Variants in TMEM217B observed in about 807,000 individuals in gnomAD.
TMEM217B encodes putative transmembrane protein 217B.
At chr6:37,217,677 G>T in the TMEM217B span, 1 of 985,178 alleles carries the variant, frequency 1.0e-6, no homozygotes, top group Non-Finnish European at 1.2e-6. Flanking sequence ...TTCTTATCTG[G>T]AATAAAACAG....
chr6:37,212,833 G>T, the TMEM217B span: 1 of 1,078,150 alleles, frequency 9.3e-7, no homozygotes, highest in South Asian at 1.4e-5. Context: ...GACTAGCTCC[G>T]ACTTTGAGTC....
the TMEM217B span, chr6:37,218,682 T>C: frequency 2.8e-5 from 45 of 1,613,958 alleles, no homozygotes; most frequent in Admixed American, 3.3e-5. Flanking sequence ...TCAAAGTCAT[T>C]GTTGGTGAGG....
chr6:37,252,569 GT>G, the TMEM217B span, among the ~76,000 whole-genome samples: 1 of 148,326 alleles, frequency 6.7e-6, no homozygotes, highest in African/African-American at 2.5e-5. Flanking sequence ...TGAGGGGTGT[GT>G]GTGTGCACGT....
chr6:37,227,753 T>C, the TMEM217B span, among the ~76,000 whole-genome samples: 1 of 151,838 alleles, frequency 6.6e-6, no homozygotes, highest in African/African-American at 2.4e-5. Flanking sequence ...TCAGCCTAAA[T>C]GTTTATTATT....
the TMEM217B span, among the ~76,000 whole-genome samples, chr6:37,226,186 A>G: frequency 6.7e-6 from 1 of 150,292 alleles, no homozygotes; most frequent in African/African-American, 2.5e-5. Context: ...ATGCTTATTT[A>G]CCATCTCCTC....
the TMEM217B span, chr6:37,212,747 A>G: frequency 0.8 from 547,794 of 683,002 alleles, 220,501 homozygotes; most frequent in East Asian, 0.91. Context: ...ATACAATAAA[A>G]GAGGAAGCAG....
the TMEM217B span, among the ~76,000 whole-genome samples, chr6:37,255,683 C>CA: frequency 0.03 from 3,078 of 102,360 alleles, 103 homozygotes; most frequent in African/African-American, 0.091. Context: ...GACCTGGTCT[C>CA]AAAAAAAAAA....
At chr6:37,243,662 G>C in the TMEM217B span, among the ~76,000 whole-genome samples, 1 of 152,186 alleles carries the variant, frequency 6.6e-6, no homozygotes, top group Non-Finnish European at 1.5e-5. Context: ...GCAATGGCAT[G>C]ATCTCGGCTC....
the TMEM217B span, among the ~76,000 whole-genome samples, chr6:37,231,738 A>T: frequency 3.4e-5 from 5 of 147,210 alleles, no homozygotes; most frequent in African/African-American, 9.9e-5. Flanking sequence ...TTATATATAT[A>T]TTATATATAT....
chr6:37,242,439 G>A, the TMEM217B span, among the ~76,000 whole-genome samples: 1 of 152,170 alleles, frequency 6.6e-6, no homozygotes, highest in Non-Finnish European at 1.5e-5. Context: ...TTGCCTTTAA[G>A]AGCCTAGATT....
chr6:37,227,595 C>T, the TMEM217B span, among the ~76,000 whole-genome samples: 2 of 152,000 alleles, frequency 1.3e-5, no homozygotes, highest in Admixed American at 6.6e-5. Context: ...TACAGGCGCA[C>T]ACCACCATGC....
the TMEM217B span, among the ~76,000 whole-genome samples, chr6:37,233,121 C>T: frequency 6.6e-6 from 1 of 152,162 alleles, no homozygotes; most frequent in African/African-American, 2.4e-5. Context: ...TCTTTTGGGG[C>T]TGCTCAAACT....
the TMEM217B span, among the ~76,000 whole-genome samples, chr6:37,252,637 A>ATTT: frequency 2.4e-3 from 170 of 71,346 alleles, 4 homozygotes; most frequent in African/African-American, 8.4e-3. Context: ...ATATATATAT[A>ATTT]TTTTTTTTTT....
chr6:37,225,175 C>T, the TMEM217B span, among the ~76,000 whole-genome samples: 4 of 151,394 alleles, frequency 2.6e-5, no homozygotes, highest in East Asian at 1.9e-4. Context: ...ACTCCAGCCT[C>T]GGTGACAGAG....
At chr6:37,253,447 C>G in the TMEM217B span, among the ~76,000 whole-genome samples, 1 of 152,180 alleles carries the variant, frequency 6.6e-6, no homozygotes, top group Non-Finnish European at 1.5e-5. Flanking sequence ...TCTCTTTATT[C>G]CTATAACCTC....
the TMEM217B span, among the ~76,000 whole-genome samples, chr6:37,223,920 C>A: frequency 6.6e-6 from 1 of 150,450 alleles, no homozygotes. Context: ...CTGAGCTCAA[C>A]AGAGCCTCCT....
At chr6:37,228,893 A>G in the TMEM217B span, among the ~76,000 whole-genome samples, 1 of 151,384 alleles carries the variant, frequency 6.6e-6, no homozygotes, top group African/African-American at 2.4e-5. Flanking sequence ...GCTACTCAGG[A>G]GGCCGAGGCA....
chr6:37,226,053 C>G, the TMEM217B span, among the ~76,000 whole-genome samples: 1 of 152,130 alleles, frequency 6.6e-6, no homozygotes, highest in Admixed American at 6.6e-5. Flanking sequence ...ACTACCTAAA[C>G]TTCTTTATTG....
At chr6:37,245,599 A>C in the TMEM217B span, among the ~76,000 whole-genome samples, 3 of 152,174 alleles carry the variant, frequency 2.0e-5, no homozygotes, top group South Asian at 6.2e-4. Flanking sequence ...TGAGTTTCAT[A>C]GAGTGGGAAA....
Sources: gnomAD v4.1 joint callset for allele counts (sites outside exome capture counted in the v4.1 genomes callset) on GRCh38, gnomAD v4.1.1 for gene constraint, MANE v1.5 for transcripts, NCBI Gene and HGNC (gene_info 2026-07-23, HGNC 2026-07-21) for gene names.